The following ROBO2 variants were observed in gnomAD, a reference collection of about 807,000 sequenced individuals.
ROBO2 encodes roundabout guidance receptor 2, also known as roundabout homolog 2.
A neutral mutation model predicts 160.8 loss-of-function variants in ROBO2; 53 were observed. The observed-to-expected ratio is 0.33, with a 90% CI of 0.26 to 0.41. The LOEUF (loss-of-function observed/expected upper bound fraction) is 0.41. Among genes scored for constraint, ROBO2 ranks in the 10% least tolerant of loss-of-function variants. The probability of loss-of-function intolerance (pLI) is 1.00; values close to 1 mark genes in which losing one functional copy is unlikely to be tolerated. For synonymous variants in ROBO2, 664 were observed against 611.7 expected (o/e 1.09, Z -1.26); for missense variants, 1,577 against 1,722.4 (o/e 0.92, Z 1.49).
At chr3:76,544,369 T>C (rs2082979657) in intron 2 of ROBO2, among the ~76,000 whole-genome samples, 1 of 152,190 alleles carries the variant, frequency 6.6e-6, no homozygotes, top group South Asian at 2.1e-4. Context: ...TATAGATGTA[T>C]TTTGAAAGTC....
intron 2 of ROBO2, among the ~76,000 whole-genome samples, chr3:75,985,087 A>G (rs910793047): frequency 4.0e-5 from 6 of 151,408 alleles, no homozygotes; most frequent in African/African-American, 1.4e-4. Context: ...AATGTTGCAT[A>G]TACTCTTCTA....
chr3:76,317,006 T>C (rs1301138186), intron 2 of ROBO2, among the ~76,000 whole-genome samples: 3 of 152,224 alleles, frequency 2.0e-5, no homozygotes, highest in African/African-American at 7.2e-5. Flanking sequence ...CCTGCATGCT[T>C]AAAATTATAT....
chr3:76,774,689 G>A (rs1190061056), intron 2 of ROBO2, among the ~76,000 whole-genome samples: 1 of 150,760 alleles, frequency 6.6e-6, no homozygotes, highest in African/African-American at 2.4e-5. Flanking sequence ...AGTTTATAGG[G>A]CTGTAATTAT....
chr3:76,932,128 AAAAATGGCATATAAAAAAT>A (rs1377031086), intron 2 of ROBO2, among the ~76,000 whole-genome samples: 1 of 152,164 alleles, frequency 6.6e-6, no homozygotes, highest in African/African-American at 2.4e-5. Flanking sequence ...GACTACCAAA[AAAAATGGCATATAAAAAAT>A]AAGAATTCTA....
At chr3:77,435,944 A>T (rs1162658777) in intron 2 of ROBO2, among the ~76,000 whole-genome samples, 1 of 150,924 alleles carries the variant, frequency 6.6e-6, no homozygotes, top group Non-Finnish European at 1.5e-5. Flanking sequence ...GGAGTCTCTG[A>T]AGAAATTGAG....
intron 2 of ROBO2, among the ~76,000 whole-genome samples, chr3:75,985,371 A>G (rs1576383106): frequency 2.0e-5 from 3 of 151,634 alleles, no homozygotes; most frequent in Admixed American, 2.0e-4. Context: ...CATTCTGTCC[A>G]TAGGTTACAA....
chr3:77,043,651 C>T (rs1024273834), intron 1 of ROBO2, among the ~76,000 whole-genome samples: 2 of 152,024 alleles, frequency 1.3e-5, no homozygotes, highest in Non-Finnish European at 2.9e-5. Context: ...TTAAGGTTAG[C>T]CTTTGTTTTC....
At chr3:77,390,387 T>C (rs1342954549) in intron 2 of ROBO2, among the ~76,000 whole-genome samples, 1 of 152,166 alleles carries the variant, frequency 6.6e-6, no homozygotes, top group Non-Finnish European at 1.5e-5. Context: ...TTCCCACGTG[T>C]CATGGGAGGC....
intron 2 of ROBO2, among the ~76,000 whole-genome samples, chr3:76,493,077 G>A (rs950736242): frequency 3.9e-5 from 6 of 151,972 alleles, no homozygotes; most frequent in African/African-American, 1.4e-4. Context: ...AGAATGACAT[G>A]TTTGGGGCAT....
At chr3:76,976,910 A>ATAATTTAAAT (rs1490955784) in intron 2 of ROBO2, among the ~76,000 whole-genome samples, 5,972 of 152,120 alleles carry the variant, frequency 0.039, 407 homozygotes, top group African/African-American at 0.14. Flanking sequence ...AAATTATTAA[A>ATAATTTAAAT]CCTGAATTTA....
At chr3:76,742,451 G>A (rs909533933) in intron 2 of ROBO2, among the ~76,000 whole-genome samples, 17 of 152,142 alleles carry the variant, frequency 1.1e-4, no homozygotes, top group African/African-American at 2.4e-4. Flanking sequence ...TACACACAAC[G>A]GAAAAACAGC....
At chr3:77,637,525 A>G (rs2095284268) in intron 24 of ROBO2, among the ~76,000 whole-genome samples, 1 of 152,196 alleles carries the variant, frequency 6.6e-6, no homozygotes, top group Non-Finnish European at 1.5e-5. Flanking sequence ...GTGAGTAAAA[A>G]TGGTCACCAC....
intron 2 of ROBO2, among the ~76,000 whole-genome samples, chr3:77,142,325 C>G (rs1311286930): frequency 6.6e-6 from 1 of 152,088 alleles, no homozygotes; most frequent in Non-Finnish European, 1.5e-5. Flanking sequence ...GAATATATAG[C>G]AGAAATACAC....
chr3:76,611,328 T>G (rs1355528390), intron 2 of ROBO2, among the ~76,000 whole-genome samples: 1 of 152,162 alleles, frequency 6.6e-6, no homozygotes, highest in Non-Finnish European at 1.5e-5. Flanking sequence ...ACATACTGAA[T>G]AGCTTTAGTA....
At chr3:77,449,090 T>C (rs567060575) in intron 2 of ROBO2, among the ~76,000 whole-genome samples, 5 of 152,262 alleles carry the variant, frequency 3.3e-5, no homozygotes, top group African/African-American at 1.2e-4. Context: ...TTAGATATGC[T>C]AATTGCTTAC....
At chr3:77,024,273 G>C (rs1168880547) in intron 2 of ROBO2, among the ~76,000 whole-genome samples, 1 of 152,304 alleles carries the variant, frequency 6.6e-6, no homozygotes, top group Non-Finnish European at 1.5e-5. Flanking sequence ...GAGGACACAG[G>C]ATGGGTAAGT....
chr3:76,446,353 A>G (rs1259537548), intron 2 of ROBO2, among the ~76,000 whole-genome samples: 1 of 152,238 alleles, frequency 6.6e-6, no homozygotes, highest in Non-Finnish European at 1.5e-5. Context: ...GGACCTCTTC[A>G]AGGAGAACTA....
At chr3:77,380,475 T>C (rs1228602247) in intron 2 of ROBO2, among the ~76,000 whole-genome samples, 2 of 152,110 alleles carry the variant, frequency 1.3e-5, no homozygotes, top group Non-Finnish European at 2.9e-5. Flanking sequence ...TTTGAAATTA[T>C]GCAAAGAGAA....
chr3:76,285,685 A>G (rs893664295), intron 2 of ROBO2, among the ~76,000 whole-genome samples: 1 of 152,150 alleles, frequency 6.6e-6, no homozygotes, highest in African/African-American at 2.4e-5. Flanking sequence ...ATATTATATA[A>G]GAAAATTAAA....
Sources: gnomAD v4.1 joint callset for allele counts (sites outside exome capture counted in the v4.1 genomes callset) on GRCh38, gnomAD v4.1.1 for gene constraint, MANE v1.5 for transcripts, NCBI Gene and HGNC (gene_info 2026-07-23, HGNC 2026-07-21) for gene names.